Variants in KIFAP3 observed in about 807,000 individuals in gnomAD.
KIFAP3 encodes kinesin associated protein 3.
KIFAP3 carries 68 observed loss-of-function variants against 106.5 expected under a neutral mutation model. The ratio of observed to expected loss-of-function variants is 0.64; its 90% CI spans 0.53 to 0.78. The LOEUF (loss-of-function observed/expected upper bound fraction) is 0.78, where lower values mean the gene tolerates loss of function less well. Ranked by LOEUF, KIFAP3 falls within the 30% of genes least tolerant of loss-of-function variation. KIFAP3 has a pLI of 0.00. For synonymous variants in KIFAP3, 320 were observed against 311.5 expected (o/e 1.03, Z -0.29); for missense variants, 780 against 941.8 (o/e 0.83, Z 2.25).
chr1:169,967,518 T>C (rs1270109755), intron 17 of KIFAP3, among the ~76,000 whole-genome samples: 2 of 151,804 alleles, frequency 1.3e-5, no homozygotes, highest in Admixed American at 6.6e-5. Context: ...ATAAAGAACA[T>C]TGGATTAGGA....
chr1:170,033,221 G>C (rs1433321992), intron 7 of KIFAP3, among the ~76,000 whole-genome samples: 1 of 151,730 alleles, frequency 6.6e-6, no homozygotes, highest in African/African-American at 2.4e-5. Flanking sequence ...GCTTGTGTGT[G>C]GGTGTGGATT....
intron 10 of KIFAP3, among the ~76,000 whole-genome samples, chr1:169,994,068 T>C (rs1667254363): frequency 6.6e-6 from 1 of 152,006 alleles, no homozygotes; most frequent in Non-Finnish European, 1.5e-5. Context: ...TGTTGATTGG[T>C]TAATAATAAT....
At chr1:170,015,563 A>G (rs1397960172) in intron 10 of KIFAP3, among the ~76,000 whole-genome samples, 1 of 152,224 alleles carries the variant, frequency 6.6e-6, no homozygotes, top group Non-Finnish European at 1.5e-5. Flanking sequence ...ACAAAGGAAC[A>G]AAGAGTTAAG....
chr1:170,046,210 C>CA lies in KIFAP3; in HGVS notation c.319+501dup, dbSNP rs60580320. On this transcript the variant is annotated intron_variant, in intron 3 of 19. Coordinates refer to ENST00000361580, the MANE Select transcript of KIFAP3 (RefSeq NM_014970.4). ...CCAGATTAAACCTTTTTCTCTGCTG[C>CA]AAAAAAAAAAAAAAAAAAAGGAAAC... 4.0e-3 allele frequency among the ~76,000 whole-genome samples: 225 copies of CA among 56,874 alleles called. 3 individuals carry two copies. The highest frequency in any genetic ancestry group is 0.011 in the African/African-American group (162 of 14,746). The allele number at this position is 56,874 out of a possible 152,430, so 37.3% of individuals were successfully genotyped here.
intron 9 of KIFAP3, 95 bp downstream of exon 9, chr1:170,024,323 C>G: frequency 2.9e-6 from 2 of 689,352 alleles, no homozygotes; most frequent in Non-Finnish European, 4.6e-6. Flanking sequence ...TCAGAATTAT[C>G]TCGGTAGGGG....
chr1:170,057,081 C>T (rs920811197), intron 1 of KIFAP3, among the ~76,000 whole-genome samples: 1 of 152,084 alleles, frequency 6.6e-6, no homozygotes, highest in Admixed American at 6.6e-5. Flanking sequence ...ATCTTAATTA[C>T]ATAAGGCAAA....
At chr1:169,975,380 A>C (rs1666170699) in intron 16 of KIFAP3, among the ~76,000 whole-genome samples, 1 of 33,840 alleles carries the variant, frequency 3.0e-5, no homozygotes, top group Non-Finnish European at 4.9e-5. Flanking sequence ...ATATTGATCA[A>C]ACTTTCTAAC....
chr1:169,937,945 A>G (rs1265293769), intron 19 of KIFAP3, among the ~76,000 whole-genome samples: 1 of 151,912 alleles, frequency 6.6e-6, no homozygotes, highest in Non-Finnish European at 1.5e-5. Context: ...AACTCCAAGA[A>G]AATAATTATT....
intron 5 of KIFAP3, among the ~76,000 whole-genome samples, chr1:170,036,718 T>A (rs1178030909): frequency 1.3e-5 from 2 of 152,172 alleles, no homozygotes; most frequent in Non-Finnish European, 2.9e-5. Context: ...AGAACTGTTC[T>A]ATAATGTCAT....
Position 170,024,441 on chromosome 1 carries a change from A to G in KIFAP3, c.997T>C (p.Phe333Leu). The G allele has an allele frequency of 6.3e-7, 1 of 1,590,142 alleles. No homozygotes were observed. Among genetic ancestry groups the G allele is most frequent in the South Asian group, 1.2e-5 (1 of 85,940 alleles). ...VVSFLKKLSI[F>L]MENKNDMVEM... ...ACCATATCATTTTTATTCTCCATAA[A>G]AATGCTGAGTTTCTTCAAGAATGAC... The change falls in exon 9 of 20, where the codon TTT becomes CTT. Residue 333 changes from phenylalanine to leucine, a missense_variant. Around this residue, in one of 3 missense-constraint regions of KIFAP3, gnomAD observed 588 missense variants for 678.9 expected, o/e 0.87. Transcript: ENST00000361580.
At chr1:170,081,181 G>C (rs1377774017) in intron 1 of KIFAP3, among the ~76,000 whole-genome samples, 1 of 152,050 alleles carries the variant, frequency 6.6e-6, no homozygotes, top group Non-Finnish European at 1.5e-5. Flanking sequence ...GATATAAAGA[G>C]AACTATTACA....
intron 10 of KIFAP3, among the ~76,000 whole-genome samples, chr1:170,009,235 C>A (rs115544107): frequency 0.063 from 9,578 of 151,986 alleles, 385 homozygotes; most frequent in Non-Finnish European, 0.095. Context: ...CATATGTATC[C>A]CAGAACTTAC....
chr1:169,961,737 C>T (rs764318436), intron 17 of KIFAP3, among the ~76,000 whole-genome samples: 4 of 152,096 alleles, frequency 2.6e-5, no homozygotes, highest in Non-Finnish European at 4.4e-5. Flanking sequence ...TATGATGATT[C>T]ACTTCCACTT....
chr1:169,925,751 T>C (rs1663098741), intron 19 of KIFAP3, among the ~76,000 whole-genome samples: 1 of 151,578 alleles, frequency 6.6e-6, no homozygotes, highest in African/African-American at 2.4e-5. Context: ...TGGGCCAGAG[T>C]TGACATTCCT....
intron 10 of KIFAP3, among the ~76,000 whole-genome samples, chr1:169,996,061 C>CA (rs1365964579): frequency 6.6e-6 from 1 of 152,008 alleles, no homozygotes; most frequent in African/African-American, 2.4e-5. Context: ...TCAGATATAA[C>CA]AATTTATATT....
At chr1:169,973,045 A>G (rs1395387787) in intron 16 of KIFAP3, among the ~76,000 whole-genome samples, 2 of 147,470 alleles carry the variant, frequency 1.4e-5, no homozygotes, top group African/African-American at 2.5e-5. Flanking sequence ...ACATTTTCAC[A>G]TAAAAGAAAG....
chr1:170,055,859 T>C (rs903405557), intron 1 of KIFAP3, among the ~76,000 whole-genome samples: 2 of 152,102 alleles, frequency 1.3e-5, no homozygotes, highest in African/African-American at 4.8e-5. Context: ...AGGCCAGACA[T>C]GATGGCTCAC....
At chr1:170,017,255 C>CAAAAAAAAAAAAA (rs11417586) in intron 9 of KIFAP3, among the ~76,000 whole-genome samples, 1 of 70,136 alleles carries the variant, frequency 1.4e-5, no homozygotes, top group Non-Finnish European at 2.6e-5. Context: ...GAGACTGTCT[C>CAAAAAAAAAAAAA]AAAAAAAAAA....
rs528114615 is a variant in KIFAP3 at position 170,011,187 on chromosome 1, A to AG, written c.1183+5274_1183+5275insC. The stretch of plus-strand genomic sequence containing the variant: ...AATCACTCCAGTTATTTGCCAAAAA[A>AG]TAATCTAAAATAATTTAGATTGTCT... On this transcript the variant is annotated intron_variant, in intron 10 of 19. Transcript: ENST00000361580. Among the ~76,000 whole-genome samples, 261 of 152,108 alleles carry AG rather than the reference A, an allele frequency of 1.7e-3. 1 individual carries two copies. Among genetic ancestry groups the AG allele is most frequent in the African/African-American group, 6.1e-3 (254 of 41,564 alleles).
Sources: gnomAD v4.1 joint callset for allele counts (sites outside exome capture counted in the v4.1 genomes callset) on GRCh38, gnomAD v4.1.1 for gene constraint, gnomAD v4.1.1 regional missense constraint, MANE v1.5 for transcripts, NCBI Gene and HGNC (gene_info 2026-07-23, HGNC 2026-07-21) for gene names.